Variants in TES observed in about 807,000 individuals in gnomAD.
The protein encoded by TES is testin LIM domain protein.
In TES, 41 loss-of-function variants were observed where a neutral mutation model predicts 48.2. That is an observed-to-expected ratio of 0.85 (90% CI 0.66 to 1.10). TES has a LOEUF of 1.10. Among genes scored for constraint, TES ranks in the 50% least tolerant of loss-of-function variants. TES has a pLI of 0.00. For synonymous variants in TES, 162 were observed against 174.9 expected (o/e 0.93, Z 0.58); for missense variants, 463 against 515.1 (o/e 0.90, Z 0.98).
chr7:116,210,978 C>G (rs1297775903), intron 1 of TES: 1 of 330,698 alleles, frequency 3.0e-6, no homozygotes, highest in East Asian at 4.8e-5. Context: ...GGGCGCGGGA[C>G]TCTTCTCTCC....
chr7:116,230,847 T>G (rs142469590), intron 1 of TES, among the ~76,000 whole-genome samples: 1 of 152,272 alleles, frequency 6.6e-6, no homozygotes, highest in Non-Finnish European at 1.5e-5. Context: ...CTGAATGCAC[T>G]TCTCTGAGCC....
At chr7:116,222,586 T>G (rs531230764) in intron 1 of TES, among the ~76,000 whole-genome samples, 40 of 152,276 alleles carry the variant, frequency 2.6e-4, no homozygotes, top group African/African-American at 9.1e-4. Context: ...ACCATAGCCT[T>G]TAGGCATCGC....
At chr7:116,254,963 A>AG (rs1323262162) in intron 6 of TES, among the ~76,000 whole-genome samples, 1 of 151,618 alleles carries the variant, frequency 6.6e-6, no homozygotes, top group Non-Finnish European at 1.5e-5. Context: ...AAGGTTATCT[A>AG]GTTCAGGGCA....
At chr7:116,213,536 T>C (rs1180909518) in intron 1 of TES, among the ~76,000 whole-genome samples, 1 of 152,252 alleles carries the variant, frequency 6.6e-6, no homozygotes, top group Non-Finnish European at 1.5e-5. Context: ...GATACTATTA[T>C]AAAATTCTTG....
chr7:116,258,286 T>A lies in TES; in HGVS notation c.*804T>A, dbSNP rs937122093. 4.6e-5 allele frequency: 7 copies of A among 152,316 alleles called. No homozygotes were observed. The highest frequency in any genetic ancestry group is 1.7e-4 in the African/African-American group (7 of 41,548). The allele number at this position is 152,316 out of a possible 1,614,324, so 9.4% of individuals were successfully genotyped here. On this transcript the variant is annotated 3_prime_UTR_variant, in exon 7 of 7. Transcript: ENST00000358204. ...CACCACACCCAGCTAATTTTTGTAT[T>A]TTTAGTAGAGACAGGTTTTCACCAT...
At chr7:116,221,929 T>G (rs1416046852) in intron 1 of TES, among the ~76,000 whole-genome samples, 2 of 152,224 alleles carry the variant, frequency 1.3e-5, no homozygotes, top group Non-Finnish European at 2.9e-5. Context: ...ATGATGTCTG[T>G]GCACCTTCTT....
intron 1 of TES, among the ~76,000 whole-genome samples, chr7:116,228,048 G>C (rs1190116614): frequency 6.9e-6 from 1 of 144,246 alleles, no homozygotes; most frequent in Non-Finnish European, 1.5e-5. Flanking sequence ...CTGACATGCA[G>C]TACCTTTTTC....
At chr7:116,244,083 A>C (rs1584624365) in intron 2 of TES, 1 of 152,280 alleles carries the variant, frequency 6.6e-6, no homozygotes, top group Non-Finnish European at 1.5e-5. Flanking sequence ...GATTATGGGA[A>C]ATACAATTCA....
intron 1 of TES, among the ~76,000 whole-genome samples, chr7:116,231,676 G>A (rs1426882316): frequency 6.6e-6 from 1 of 152,162 alleles, no homozygotes; most frequent in African/African-American, 2.4e-5. Context: ...TATGATAAGG[G>A]GGCTTGTAAG....
chr7:116,251,717 A>G (rs1415390754), intron 4 of TES, 43 bp from the exon 5 acceptor site: 8 of 1,496,130 alleles, frequency 5.3e-6, no homozygotes, highest in Non-Finnish European at 7.4e-6. Flanking sequence ...AAGAAATGGC[A>G]GTCTTCTAAT....
At chr7:116,245,682 C>T (rs949949712) in intron 2 of TES, among the ~76,000 whole-genome samples, 1 of 152,160 alleles carries the variant, frequency 6.6e-6, no homozygotes, top group African/African-American at 2.4e-5. Context: ...ATCCTTATGG[C>T]AGCACCACAC....
intron 6 of TES, among the ~76,000 whole-genome samples, chr7:116,253,104 A>G (rs2116631895): frequency 6.6e-6 from 1 of 152,356 alleles, no homozygotes. Context: ...AGTTGACCAT[A>G]GATGGTAAAG....
At chr7:116,217,992 A>G (rs1799513675) in intron 1 of TES, 1 of 468,206 alleles carries the variant, frequency 2.1e-6, no homozygotes. Flanking sequence ...AAAAAAGCAT[A>G]GTTTAGAATT....
At position 116,210,566 on chromosome 7, in the gene TES, C is replaced by T. The variant is rs1010755493; in HGVS notation, c.-142C>T. On this transcript the variant is annotated 5_prime_UTR_variant, in exon 1 of 7. Coordinates refer to ENST00000358204, the MANE Select transcript of TES (RefSeq NM_015641.4). Reference sequence around the variant, plus strand: ...TGCGGCGGACTGGGCGGCGGAAGTTCGACGGCGCCGGGCGAGTGGCTGTTG... The same window carrying T: ...TGCGGCGGACTGGGCGGCGGAAGTTTGACGGCGCCGGGCGAGTGGCTGTTG... 2.1e-6 allele frequency: 2 copies of T among 962,762 alleles called. No individual in the cohort carries two copies. The highest frequency in any genetic ancestry group is 2.7e-6 in the Non-Finnish European group (2 of 730,724). 59.6% of individuals were successfully genotyped at this position (962,762 alleles called of 1,614,324 possible).
At chr7:116,252,632 A>T (rs1168099075) in intron 6 of TES, 156 bp downstream of exon 6, 1 of 1,016,376 alleles carries the variant, frequency 9.8e-7, no homozygotes. Context: ...AAGGCAATTC[A>T]AAAACAATAC....
At chr7:116,254,752 A>ATGTGTG (rs1399314066) in intron 6 of TES, among the ~76,000 whole-genome samples, 2 of 83,670 alleles carry the variant, frequency 2.4e-5, no homozygotes, top group African/African-American at 9.3e-5. Flanking sequence ...AAAAAAATAT[A>ATGTGTG]TATATATGTG....
intron 2 of TES, 80 bp from the exon 3 acceptor site, chr7:116,248,940 A>G: frequency 7.1e-7 from 1 of 1,404,804 alleles, no homozygotes. Context: ...GCCTAAAAGT[A>G]TTTTATGAAC....
chr7:116,226,342 G>T (rs1799620585), intron 1 of TES, among the ~76,000 whole-genome samples: 1 of 152,166 alleles, frequency 6.6e-6, no homozygotes, highest in Non-Finnish European at 1.5e-5. Context: ...GTGCCAAGGG[G>T]ATAGTTAAAG....
Position 116,250,477 on chromosome 7 carries a change from A to G in TES, c.683A>G (p.Glu228Gly). 1 of 1,553,114 alleles carries G rather than the reference A, an allele frequency of 6.4e-7. No individual in the cohort carries two copies. The highest frequency in any genetic ancestry group is 8.7e-7 in the Non-Finnish European group (1 of 1,152,750). The change falls in exon 4 of 7, where the codon GAG (glutamate) becomes GGG (glycine). Residue 228 changes from glutamate to glycine, a missense_variant. Physicochemically the swap from Glu to Gly is moderately conservative, Grantham distance 98. Transcript: ENST00000358204. ...AVGAMEDKSA[E>G]HKRTQYSCYC... is the part of the protein sequence containing the mutation. The stretch of plus-strand genomic sequence containing the variant: ...GGGGCCATGGAGGACAAATCTGCTG[A>G]GCACAAAAGAACTCAATATGTAAGT...
Sources: gnomAD v4.1 joint callset for allele counts (sites outside exome capture counted in the v4.1 genomes callset) on GRCh38, gnomAD v4.1.1 for gene constraint, MANE v1.5 for transcripts, NCBI Gene and HGNC (gene_info 2026-07-23, HGNC 2026-07-21) for gene names.